The following KIAA1217 variants were observed in gnomAD, a reference collection of about 807,000 sequenced individuals.
KIAA1217 encodes the protein KIAA1217.
In KIAA1217, 88 loss-of-function variants were observed where a neutral mutation model predicts 163.9. The observed-to-expected ratio is 0.54, with a 90% CI of 0.45 to 0.64. The LOEUF (loss-of-function observed/expected upper bound fraction) is 0.64, where lower values mean the gene tolerates loss of function less well. Ranked by LOEUF, KIAA1217 falls within the 30% of genes least tolerant of loss-of-function variation. The pLI, the probability that KIAA1217 is intolerant of heterozygous loss-of-function variation, is 0.00. For missense variants in KIAA1217, 2,372 were observed against 2,475.0 expected, an observed-to-expected ratio of 0.96 and a Z score of 0.88; for synonymous variants, 903 against 923.1, an observed-to-expected ratio of 0.98 and a Z score of 0.39.
Position 24,524,653 on chromosome 10 carries a change from G to A in KIAA1217, c.2787G>A (p.Met929Ile), listed in dbSNP as rs1287954754. Residue 929 changes from methionine (M) to isoleucine (I), a missense_variant, in exon 13 of 21, where the codon ATG becomes ATA. Physicochemically the swap from Met to Ile is conservative, Grantham distance 10 (BLOSUM62 1). This residue lies in a region of KIAA1217 where 1,431 missense variants were observed against 1,470.3 expected (regional missense o/e 0.97). Coordinates refer to ENST00000376454, the MANE Select transcript of KIAA1217 (RefSeq NM_019590.5). ...VPQEATSTLQMSQAPQSPQIP... is the reference protein window; with the variant it reads ...VPQEATSTLQISQAPQSPQIP... ...AGGAAGCAACCTCCACTCTGCAGAT[G>A]TCGCAGGCTCCGCAGTCCCCACAGA... is the stretch of plus-strand genomic sequence containing the variant. 2 of 1,614,066 alleles carry A rather than the reference G, an allele frequency of 1.2e-6. No homozygotes were observed. Among genetic ancestry groups the A allele is most frequent in the African/African-American group, 2.7e-5 (2 of 74,942 alleles).
intron 1 of KIAA1217, among the ~76,000 whole-genome samples, chr10:23,790,927 GGTTT>G (rs531744313): frequency 6.6e-6 from 1 of 152,016 alleles, no homozygotes; most frequent in South Asian, 2.1e-4. Context: ...GTAGAGTCAG[GGTTT>G]TGCCACGTTG....
chr10:24,331,877 G>A (rs2045723634), intron 2 of KIAA1217, among the ~76,000 whole-genome samples: 1 of 152,190 alleles, frequency 6.6e-6, no homozygotes, highest in Non-Finnish European at 1.5e-5. Flanking sequence ...TCAGCTCACT[G>A]TAACCTCTGC....
chr10:24,183,675 T>C (rs2066285496), intron 2 of KIAA1217, among the ~76,000 whole-genome samples: 1 of 152,234 alleles, frequency 6.6e-6, no homozygotes, highest in Non-Finnish European at 1.5e-5. Context: ...TCTTCTTGGT[T>C]ATTCTTAGCA....
chr10:23,892,298 A>G (rs1346834161), intron 1 of KIAA1217, among the ~76,000 whole-genome samples: 5 of 151,984 alleles, frequency 3.3e-5, no homozygotes, highest in African/African-American at 4.8e-5. Context: ...TCCTTTTATG[A>G]GAATATAGGT....
chr10:23,812,840 A>G (rs1417106103), intron 1 of KIAA1217, among the ~76,000 whole-genome samples: 2 of 152,130 alleles, frequency 1.3e-5, no homozygotes, highest in East Asian at 1.9e-4. Context: ...TTAGCATAAC[A>G]TTTTCAAGGT....
chr10:23,953,518 AC>A (rs1844430141), intron 1 of KIAA1217, among the ~76,000 whole-genome samples: 2 of 152,206 alleles, frequency 1.3e-5, no homozygotes, highest in South Asian at 4.1e-4. Context: ...TTGCCCAACT[AC>A]CAAGATATGG....
In KIAA1217 at chr10:24,536,913, T is replaced by C; in HGVS notation, c.3534+20T>C. On this transcript the variant is annotated intron_variant, in intron 17 of 20. Coordinates refer to ENST00000376454, the MANE Select transcript of KIAA1217 (RefSeq NM_019590.5). ...AAGAAGGTAACGTGGCAACTGCACA[T>C]TTGCCACACGGTTGGGAGTCCTTCC... 1 of 1,612,958 alleles carries C rather than the reference T, an allele frequency of 6.2e-7. No individual in the cohort carries two copies. The highest frequency in any genetic ancestry group is 1.1e-5 in the South Asian group (1 of 90,876).
intron 1 of KIAA1217, among the ~76,000 whole-genome samples, chr10:23,797,162 A>T (rs989674070): frequency 6.6e-6 from 1 of 152,096 alleles, no homozygotes; most frequent in African/African-American, 2.4e-5. Context: ...CCATAGTGTT[A>T]TGTGGGTCTG....
At chr10:24,384,642 T>C (rs2053770196) in intron 3 of KIAA1217, among the ~76,000 whole-genome samples, 1 of 150,974 alleles carries the variant, frequency 6.6e-6, no homozygotes, top group Non-Finnish European at 1.5e-5. Flanking sequence ...GTTCACGCCA[T>C]TCTCCTGCCT....
rs1417805516 is a variant in KIAA1217 at position 23,934,621 on chromosome 10, A to ATT, written c.-320-72603_-320-72602insTT. The stretch of plus-strand genomic sequence containing the variant: ...TATATATATATGTATATATATATAT[A>ATT]TATATTTTTTTTTTGAGACGGAGTC... On this transcript the variant is annotated intron_variant, in intron 1 of 18. Coordinates refer to the KIAA1217 transcript ENST00000376462. Among the ~76,000 whole-genome samples, 21 of 61,732 alleles carry ATT rather than the reference A, an allele frequency of 3.4e-4. 3 individuals carry two copies. In the African/African-American group the frequency reaches 3.6e-3, roughly 11 times the overall value. 40.5% of individuals were successfully genotyped at this position (61,732 alleles called of 152,430 possible). A position where few individuals can be genotyped will look rare whatever the true frequency, so the allele number is the denominator to read the frequency against.
At chr10:23,864,523 AACACACACACAC>A (rs10544205) in intron 1 of KIAA1217, among the ~76,000 whole-genome samples, 2 of 147,238 alleles carry the variant, frequency 1.4e-5, no homozygotes, top group Non-Finnish European at 3.0e-5. Flanking sequence ...TACACACACC[AACACACACACAC>A]ACACACACAC....
At chr10:24,416,815 C>T (rs1024286273) in intron 3 of KIAA1217, among the ~76,000 whole-genome samples, 5 of 152,240 alleles carry the variant, frequency 3.3e-5, no homozygotes, top group South Asian at 2.1e-4. Flanking sequence ...CTCAACTACA[C>T]GGGCAGGTTC....
rs77597155 is a variant in KIAA1217 at position 24,176,872 on chromosome 10, G to A, written c.-170-42754G>A. Among the ~76,000 whole-genome samples the A allele has an allele frequency of 6.2e-5, 9 of 145,150 alleles. No homozygotes were observed. In the South Asian group the frequency reaches 6.2e-4, roughly 10 times the overall value. ...CTGCAGGTCCCGAGCCCTGCCCCAC[G>A]GGGAGGCAGCTGAGGCCTGGCAAGA... On this transcript the variant is annotated intron_variant, in intron 2 of 18. Coordinates refer to the KIAA1217 transcript ENST00000376462.
At chr10:23,899,093 G>T (rs963469161) in intron 1 of KIAA1217, among the ~76,000 whole-genome samples, 4 of 152,078 alleles carry the variant, frequency 2.6e-5, no homozygotes, top group African/African-American at 9.7e-5. Flanking sequence ...TGGGTTGGCT[G>T]ATTGGTTTGT....
chr10:24,309,360 A>G (rs1346000988), intron 2 of KIAA1217, among the ~76,000 whole-genome samples: 3 of 151,636 alleles, frequency 2.0e-5, no homozygotes, highest in South Asian at 4.2e-4. Context: ...GCACACACAC[A>G]CACACACACA....
chr10:24,337,943 C>T (rs1030955874), intron 2 of KIAA1217, among the ~76,000 whole-genome samples: 3 of 152,204 alleles, frequency 2.0e-5, no homozygotes, highest in Admixed American at 1.3e-4. Flanking sequence ...GCGCCCGGCC[C>T]GTAAACATTT....
At chr10:24,353,154 G>A (rs1244813850) in intron 2 of KIAA1217, among the ~76,000 whole-genome samples, 1 of 152,182 alleles carries the variant, frequency 6.6e-6, no homozygotes, top group East Asian at 1.9e-4. Context: ...GCGGTTTCCT[G>A]TTTTGCAAAG....
At chr10:23,990,478 T>C (rs1435472999) in intron 1 of KIAA1217, among the ~76,000 whole-genome samples, 1 of 152,206 alleles carries the variant, frequency 6.6e-6, no homozygotes, top group African/African-American at 2.4e-5. Flanking sequence ...TTTTTATTCA[T>C]GCTCAATCAA....
At chr10:23,987,731 A>C (rs1433408162) in intron 1 of KIAA1217, among the ~76,000 whole-genome samples, 2 of 152,078 alleles carry the variant, frequency 1.3e-5, no homozygotes, top group Non-Finnish European at 2.9e-5. Flanking sequence ...TGTGCAATAG[A>C]TCTCTTGAAC....
Sources: gnomAD v4.1 joint callset for allele counts (sites outside exome capture counted in the v4.1 genomes callset) on GRCh38, gnomAD v4.1.1 for gene constraint, gnomAD v4.1.1 regional missense constraint, MANE v1.5 for transcripts, NCBI Gene and HGNC (gene_info 2026-07-23, HGNC 2026-07-21) for gene names.